Variants in CLCF1 observed in about 807,000 individuals in gnomAD.
CLCF1 encodes cardiotrophin like cytokine factor 1, also known as cardiotrophin-like cytokine factor 1.
CLCF1 carries 10 observed loss-of-function variants against 21.2 expected under a neutral mutation model. The observed-to-expected ratio is 0.47, with a 90% confidence interval of 0.29 to 0.80. CLCF1 has a LOEUF of 0.80. Ranked by LOEUF, CLCF1 falls within the 30% of genes least tolerant of loss-of-function variation. CLCF1 has a pLI of 0.09. For synonymous variants in CLCF1, 115 were observed against 120.5 expected, an observed-to-expected ratio of 0.95 and a Z score of 0.30; for missense variants, 240 against 293.4, an observed-to-expected ratio of 0.82 and a Z score of 1.33.
Position 67,367,589 on chromosome 11 carries a change from C to T in CLCF1, c.54G>A (p.Val18=). 6.2e-7 allele frequency: 1 copy of T among 1,613,800 alleles called. No individual in the cohort carries two copies. The highest frequency in any genetic ancestry group is 8.5e-7 in the Non-Finnish European group (1 of 1,179,946). The change falls in exon 2 of 3, where the codon GTG becomes GTA. Residue 18 remains valine (V), a synonymous_variant. Coordinates refer to ENST00000312438, the MANE Select transcript of CLCF1 (RefSeq NM_013246.3). ...SWGMLACLCT[V]LWHLPAVPAL... ...CTGGCACTGCAGGGAGGTGCCAGAG[C>T]ACCGTGCACAGGCACGCTAACATCC...
At chr11:67,367,838 G>C (rs1211631542) in intron 1 of CLCF1, 1 of 985,308 alleles carries the variant, frequency 1.0e-6, no homozygotes. Context: ...TGAGGACTTG[G>C]CACGCATGAG....
upstream of CLCF1, chr11:67,374,169 G>C: frequency 1.0e-6 from 1 of 985,590 alleles, no homozygotes; most frequent in Non-Finnish European, 1.2e-6. Context: ...AGCTGGCCTG[G>C]GAGCAAGTGA....
intron 1 of CLCF1, 144 bp downstream of exon 1, chr11:67,373,380 G>T: frequency 2.4e-6 from 1 of 417,148 alleles, no homozygotes; most frequent in Non-Finnish European, 4.2e-6. Context: ...TCTCGAGGGC[G>T]CCCAGCCGTG....
chr11:67,365,521 T>C lies in CLCF1; in HGVS notation c.293A>G (p.Asn98Ser), dbSNP rs563402891. The change falls in exon 3 of 3, where the codon AAT (asparagine) becomes AGT (serine). Residue 98 changes from asparagine (N) to serine (S), a missense_variant. By Grantham distance (46) the Asn-to-Ser change is conservative. Coordinates refer to ENST00000312438, the MANE Select transcript of CLCF1 (RefSeq NM_013246.3). The surrounding 1 kb of genome is among the most constrained non-coding windows in gnomAD (Gnocchi z 5.0). ...GTTCTGGGTCAGCCGCAGTTTGTCATTGAGGCTTCGCCACACCTCCAAGTC... is the reference window on the plus strand; with the variant it reads ...GTTCTGGGTCAGCCGCAGTTTGTCACTGAGGCTTCGCCACACCTCCAAGTC... ...TVDLEVWRSL[N>S]DKLRLTQNYE... The C allele has an allele frequency of 1.8e-5, 29 of 1,614,070 alleles. No homozygotes were observed. Among genetic ancestry groups the C allele is most frequent in the South Asian group, 7.7e-5 (7 of 91,078 alleles).
chr11:67,372,411 C>T lies in CLCF1; in HGVS notation c.16+1113G>A, dbSNP rs1862256625. ...GTGGGGAGAGCAAGCATGAGGGGAC[C>T]TCTGGCGAGCCCCGGGGACTCTTTC... On this transcript the variant is annotated intron_variant, in intron 1 of 2. Coordinates refer to ENST00000312438, the MANE Select transcript of CLCF1 (RefSeq NM_013246.3). The surrounding 1 kb of genome is among the most constrained non-coding windows in gnomAD (Gnocchi z 5.9). 6.6e-6 allele frequency among the ~76,000 whole-genome samples: 1 copy of T among 152,054 alleles called. No homozygotes were observed. The highest frequency in any genetic ancestry group is 2.4e-5 in the African/African-American group (1 of 41,414).
At position 67,367,787 on chromosome 11, in the gene CLCF1, GC is replaced by G. The variant is rs1434850152; in HGVS notation, c.17-162del. The G allele has an allele frequency of 5.1e-6, 5 of 985,276 alleles. No individual in the cohort carries two copies. The Admixed American group carries it at 1.8e-4, about 36-fold the overall frequency. The allele number at this position is 985,276 out of a possible 1,614,324, so 61.0% of individuals were successfully genotyped here. A position where few individuals can be genotyped will look rare whatever the true frequency, so the allele number is the denominator to read the frequency against. On this transcript the variant is annotated intron_variant, in intron 1 of 2. Transcript: ENST00000312438. ...GGATGGAGGAGGGGAAACACTCCTG[GC>G]AAGACGGGAGAGAAAGAGAGGCATG...
intron 1 of CLCF1, chr11:67,370,346 C>A (rs113769839): frequency 2.0e-6 from 2 of 985,170 alleles, no homozygotes; most frequent in Admixed American, 6.2e-5. Context: ...TGCAGGTGGA[C>A]CCCGGCCACT....
In CLCF1 at chr11:67,364,981, A is replaced by C. The variant is rs1447990477; in HGVS notation, c.*155T>G. 2.4e-5 allele frequency: 30 copies of C among 1,244,546 alleles called. No homozygotes were observed. The highest frequency in any genetic ancestry group is 3.3e-5 in the Non-Finnish European group (30 of 897,170). The allele number at this position is 1,244,546 out of a possible 1,614,324, so 77.1% of individuals were successfully genotyped here. On this transcript the variant is annotated 3_prime_UTR_variant, in exon 3 of 3. Transcript: ENST00000312438. ...TAGACCTTTGGGAGGTGGGGAGGAG[A>C]CAGGGCTGATCGCATCACACGCCCA...
At chr11:67,368,106 C>T (rs11826923) in intron 1 of CLCF1, 28,129 of 985,236 alleles carry the variant, frequency 0.029, 615 homozygotes, top group East Asian at 0.1. Flanking sequence ...CACAGTCAGC[C>T]CTAAGGGAGG....
At chr11:67,374,013 CCCCTG>C (rs1238166746), upstream of CLCF1, 8 of 838,378 alleles carry the variant, frequency 9.5e-6, no homozygotes, top group African/African-American at 4.4e-4. Flanking sequence ...TGCCCCCTGT[CCCCTG>C]CCGATGCGGG....
chr11:67,367,182 C>A (rs998087078), intron 2 of CLCF1, among the ~76,000 whole-genome samples: 1 of 151,846 alleles, frequency 6.6e-6, no homozygotes, highest in South Asian at 2.1e-4. Context: ...ACTTCCCCGG[C>A]CCCCAGGGGG....
rs1175090771 is a variant in CLCF1 at position 67,372,945 on chromosome 11, G to A, written c.16+579C>T. ...GTAGCTAGGAAGCCGCGAGTCCCGCGGCGCGGCTCGGCCCGTCCGGCCCGG... is the reference window on the plus strand; with the variant it reads ...GTAGCTAGGAAGCCGCGAGTCCCGCAGCGCGGCTCGGCCCGTCCGGCCCGG... On this transcript the variant is annotated intron_variant, in intron 1 of 2. Coordinates refer to ENST00000312438, the MANE Select transcript of CLCF1 (RefSeq NM_013246.3). The surrounding 1 kb of genome is among the most constrained non-coding windows in gnomAD (Gnocchi z 5.9). Among the ~76,000 whole-genome samples the A allele has an allele frequency of 2.7e-5, 4 of 149,866 alleles. No homozygotes were observed. Among genetic ancestry groups the A allele is most frequent in the African/African-American group, 7.3e-5 (3 of 40,952 alleles).
chr11:67,365,647 G>C lies in CLCF1; in HGVS notation c.184-17C>G. ...GTAGTTCAGCTGTGAAAAGGAGAGG[G>C]TGATGGGGAAGGAGGAGGGCAGAGC... On this transcript the variant is annotated splice_polypyrimidine_tract_variant and intron_variant, in intron 2 of 2. Transcript: ENST00000312438. The surrounding 1 kb of genome is among the most constrained non-coding windows in gnomAD (Gnocchi z 5.0). 1 of 1,595,906 alleles carries C rather than the reference G, an allele frequency of 6.3e-7. No individual in the cohort carries two copies. Among genetic ancestry groups the C allele is most frequent in the Non-Finnish European group, 8.6e-7 (1 of 1,167,646 alleles).
chr11:67,367,725 G>C, intron 1 of CLCF1, 99 bp from the exon 2 acceptor site: 4 of 1,536,622 alleles, frequency 2.6e-6, no homozygotes, highest in Admixed American at 2.0e-5. Context: ...TGGGCTGGGT[G>C]GGGGGTGAGG....
At chr11:67,367,421 C>T (rs776038583) in intron 2 of CLCF1, 39 bp downstream of exon 2, 3 of 1,613,972 alleles carry the variant, frequency 1.9e-6, no homozygotes, top group East Asian at 2.2e-5. Context: ...CAACTCCTCA[C>T]TCCTCCCCAA....
In CLCF1 at chr11:67,366,111, C is replaced by T. The variant is rs1195912659; in HGVS notation, c.184-481G>A. Among the ~76,000 whole-genome samples, 8 of 152,294 alleles carry T rather than the reference C, an allele frequency of 5.3e-5. No individual in the cohort carries two copies. In the East Asian group the frequency reaches 5.8e-4, roughly 11 times the overall value. Reference sequence around the variant, plus strand: ...GGAGAATGAGCCTTCAAAACACTGTCGGGCTTGGCAAGGAGGTGCCTGACG... The same window carrying T: ...GGAGAATGAGCCTTCAAAACACTGTTGGGCTTGGCAAGGAGGTGCCTGACG... On this transcript the variant is annotated intron_variant, in intron 2 of 2. Coordinates refer to ENST00000312438, the MANE Select transcript of CLCF1 (RefSeq NM_013246.3).
chr11:67,366,069 T>C (rs1044535792), intron 2 of CLCF1, among the ~76,000 whole-genome samples: 2 of 152,132 alleles, frequency 1.3e-5, no homozygotes, highest in Non-Finnish European at 2.9e-5. Flanking sequence ...GCAGTGTGGC[T>C]GCAAAACAGA....
Position 67,372,384 on chromosome 11 carries a change from G to A in CLCF1, c.16+1140C>T, listed in dbSNP as rs980303812. On this transcript the variant is annotated intron_variant, in intron 1 of 2. Transcript: ENST00000312438. This position sits in a 1 kb window ranked among gnomAD's most constrained non-coding sequence, Gnocchi z 5.9. Reference sequence around the variant, plus strand: ...AGCACGGAGTTGTGGAAAGGAAGGCGGGTGGGGAGAGCAAGCATGAGGGGA... The same window carrying A: ...AGCACGGAGTTGTGGAAAGGAAGGCAGGTGGGGAGAGCAAGCATGAGGGGA... Among the ~76,000 whole-genome samples, 28 of 152,180 alleles carry A rather than the reference G, an allele frequency of 1.8e-4. No individual in the cohort carries two copies. Among genetic ancestry groups the A allele is most frequent in the African/African-American group, 6.5e-4 (27 of 41,538 alleles).
intron 2 of CLCF1, among the ~76,000 whole-genome samples, 171 bp downstream of exon 2, chr11:67,367,288 TG>T (rs1271312479): frequency 6.6e-6 from 1 of 151,576 alleles, no homozygotes; most frequent in Non-Finnish European, 1.5e-5. Flanking sequence ...GATGGGGAAG[TG>T]GGGGGGCCAC....
Sources: allele counts gnomAD v4.1 joint callset (sites outside exome capture counted in the v4.1 genomes callset), GRCh38; gene constraint gnomAD v4.1.1; non-coding constraint Gnocchi (gnomAD v3.1); transcripts MANE v1.5; gene names NCBI Gene and HGNC (gene_info 2026-07-23, HGNC 2026-07-21).